Variants in CLEC16A observed in about 807,000 individuals in gnomAD.
CLEC16A encodes the protein protein CLEC16A.
A neutral mutation model predicts 109.5 loss-of-function variants in CLEC16A; 51 were observed. The ratio of observed to expected loss-of-function variants is 0.47; its 90% CI spans 0.37 to 0.59. CLEC16A has a LOEUF of 0.59. Among genes scored for constraint, CLEC16A ranks in the 20% least tolerant of loss-of-function variants. CLEC16A has a pLI of 0.00. For missense variants in CLEC16A, 1,339 were observed against 1,394.0 expected, an observed-to-expected ratio of 0.96 and a Z score of 0.63; for synonymous variants, 673 against 564.2, an observed-to-expected ratio of 1.19 and a Z score of -2.73.
intron 19 of CLEC16A, among the ~76,000 whole-genome samples, chr16:11,072,049 A>G (rs555734230): frequency 2.6e-4 from 39 of 152,202 alleles, no homozygotes; most frequent in South Asian, 1.7e-3. Context: ...TGCGGGTATA[A>G]TGAGAGAGCA....
intron 13 of CLEC16A, among the ~76,000 whole-genome samples, chr16:11,033,938 A>AT (rs1217164710): frequency 1.3e-4 from 20 of 152,190 alleles, no homozygotes; most frequent in African/African-American, 4.8e-4. Flanking sequence ...AGGTGGAGGG[A>AT]TGGGGGTGAG....
chr16:10,992,861 T>C lies in CLEC16A; in HGVS notation c.1071+9870T>C, dbSNP rs115407222. ...TATGGGAAGGAAATAGAAGCAACTT[T>C]GGGAGGTATGATGAGGGAAGCCCTC... On this transcript the variant is annotated intron_variant, in intron 10 of 23. Transcript: ENST00000409790. 1.5e-3 allele frequency among the ~76,000 whole-genome samples: 227 copies of C among 152,168 alleles called. 2 individuals carry two copies. The highest frequency in any genetic ancestry group is 5.1e-3 in the African/African-American group (213 of 41,526).
Position 11,020,216 on chromosome 16 carries a change from C to T in CLEC16A, c.1327C>T (p.Arg443Cys), listed in dbSNP as rs371915032. ...AGAGATCGAGATGGTGATCATGGAG[C>T]GTAGCAAGCTCTCAGAGCTGGCCGC... ...SEEIEMVIMERSKLSELAAST... is the reference protein window; with the variant it reads ...SEEIEMVIMECSKLSELAAST... Residue 443 changes from arginine to cysteine, a missense_variant, in exon 12 of 24, where the codon CGT (arginine) becomes TGT (cysteine). Transcript: ENST00000409790. 1.1e-5 allele frequency: 17 copies of T among 1,612,762 alleles called. No homozygotes were observed. The highest frequency in any genetic ancestry group is 5.0e-5 in the Admixed American group (3 of 59,870).
chr16:11,098,045 G>C (rs2050705663), intron 19 of CLEC16A, among the ~76,000 whole-genome samples: 1 of 152,230 alleles, frequency 6.6e-6, no homozygotes, highest in African/African-American at 2.4e-5. Context: ...CCGGTGCCCA[G>C]GTCACACCCC....
rs201913558 is a variant in CLEC16A, at chr16:11,126,169, G to A, written c.2641+23G>A. 214 of 1,613,478 alleles carry A rather than the reference G, an allele frequency of 1.3e-4. 4 individuals carry two copies. The South Asian group carries it at 1.3e-3, about 10-fold the overall frequency. On this transcript the variant is annotated intron_variant, in intron 22 of 23. Transcript: ENST00000409790. Reference sequence around the variant, plus strand: ...CAGGTGAGCCAGCCCCCCGCCCTGCGCCACAGCTCGTTCATCATGGTGGGC... The same window carrying A: ...CAGGTGAGCCAGCCCCCCGCCCTGCACCACAGCTCGTTCATCATGGTGGGC...
intron 13 of CLEC16A, among the ~76,000 whole-genome samples, chr16:11,031,933 C>T (rs2046762410): frequency 2.0e-5 from 3 of 152,204 alleles, no homozygotes; most frequent in Admixed American, 2.0e-4. Context: ...GCATGTGGAG[C>T]ACCGGCCGTG....
intron 20 of CLEC16A, 116 bp from the exon 21 acceptor site, chr16:11,123,626 T>C (rs184523179): frequency 1.1e-5 from 11 of 1,002,330 alleles, no homozygotes; most frequent in African/African-American, 6.3e-5. Flanking sequence ...CGATCTTAGA[T>C]CAAAAGCAGA....
At chr16:11,098,980 T>C (rs1046678590) in intron 19 of CLEC16A, among the ~76,000 whole-genome samples, 15 of 152,214 alleles carry the variant, frequency 9.9e-5, no homozygotes, top group African/African-American at 3.6e-4. Context: ...CCCATGCCCA[T>C]TGATCATACC....
intron 23 of CLEC16A, among the ~76,000 whole-genome samples, chr16:11,170,331 A>G (rs2068453727): frequency 6.6e-6 from 1 of 152,152 alleles, no homozygotes; most frequent in African/African-American, 2.4e-5. Flanking sequence ...GCTTTCCTAA[A>G]ATCAGCAGCA....
chr16:11,139,093 G>C (rs968557797), intron 22 of CLEC16A, among the ~76,000 whole-genome samples: 9 of 152,068 alleles, frequency 5.9e-5, no homozygotes, highest in African/African-American at 2.2e-4. Flanking sequence ...AGGGCATCTC[G>C]ATGATCCCAA....
Position 10,982,990 on chromosome 16 carries a change from C to G in CLEC16A, c.1070C>G (p.Ser357Cys), listed in dbSNP as rs1289426360. 1.9e-6 allele frequency: 3 copies of G among 1,557,762 alleles called. No individual in the cohort carries two copies. The highest frequency in any genetic ancestry group is 2.2e-5 in the East Asian group (1 of 44,610). The part of the protein sequence containing the change: ...AKTEQDIQRS[S>C]AKPSIRCFIK... ...ACTGAACAGGATATTCAGAGAAGTT[C>G]TGTAAGTCATTAGCTTCGGGACTGA... The change falls in exon 10 of 24, where the codon TCT becomes TGT. Residue 357 changes from serine (S) to cysteine (C), a missense_variant and splice_region_variant. By Grantham distance (112) the Ser-to-Cys change is moderately radical. Around this residue, in one of 3 missense-constraint regions of CLEC16A, gnomAD observed 1,061 missense variants for 1,006.8 expected, o/e 1.05. Coordinates refer to ENST00000409790, the MANE Select transcript of CLEC16A (RefSeq NM_015226.3).
chr16:11,173,250 C>T (rs893431495), intron 23 of CLEC16A, among the ~76,000 whole-genome samples: 2 of 152,122 alleles, frequency 1.3e-5, no homozygotes, highest in Non-Finnish European at 2.9e-5. Flanking sequence ...TGGTAACATA[C>T]GGGTAACATA....
intron 21 of CLEC16A, 108 bp downstream of exon 21, chr16:11,124,054 G>A (rs969600493): frequency 4.6e-5 from 45 of 983,866 alleles, no homozygotes; most frequent in African/African-American, 3.8e-4. Flanking sequence ...AAGAAGACAC[G>A]TATGATTCAG....
At chr16:11,096,091 T>C (rs1567311778) in intron 19 of CLEC16A, among the ~76,000 whole-genome samples, 1 of 152,028 alleles carries the variant, frequency 6.6e-6, no homozygotes, top group Non-Finnish European at 1.5e-5. Flanking sequence ...CCCAGTTACT[T>C]TGGGAGGCTG....
In CLEC16A at chr16:11,009,098, A is replaced by G. The variant is rs142481721; in HGVS notation, c.1303+5793A>G. The stretch of plus-strand genomic sequence containing the variant: ...ATCTTGTAAAACCAAAACTGTGCCC[A>G]TTTAATAACTCCCCACCCCACCCTT... On this transcript the variant is annotated intron_variant, in intron 11 of 23. Transcript: ENST00000409790. 8.2e-3 allele frequency among the ~76,000 whole-genome samples: 1,249 copies of G among 152,308 alleles called. 23 individuals carry two copies. Among genetic ancestry groups the G allele is most frequent in the African/African-American group, 0.029 (1,195 of 41,564 alleles).
chr16:10,986,397 CATT>C (rs987281159), intron 10 of CLEC16A, among the ~76,000 whole-genome samples: 17 of 152,120 alleles, frequency 1.1e-4, no homozygotes, highest in African/African-American at 3.9e-4. Flanking sequence ...GTATGGTTAA[CATT>C]ATTGTTGAGT....
rs112126155 is a variant in CLEC16A, at chr16:11,027,588, A to G, written c.1537+2667A>G. On this transcript the variant is annotated intron_variant, in intron 13 of 23. Coordinates refer to ENST00000409790, the MANE Select transcript of CLEC16A (RefSeq NM_015226.3). Reference sequence around the variant, plus strand: ...TGGCATCATTTGCTTGGAAGACCTCATTCATGAAATTGCATTCCCAGGGAA... The same window carrying G: ...TGGCATCATTTGCTTGGAAGACCTCGTTCATGAAATTGCATTCCCAGGGAA... 1.4e-4 allele frequency: 216 copies of G among 1,556,016 alleles called. No individual in the cohort carries two copies. The African/African-American group carries it at 2.2e-3, about 16-fold the overall frequency.
intron 10 of CLEC16A, among the ~76,000 whole-genome samples, chr16:10,987,607 A>G (rs1392553064): frequency 1.3e-5 from 2 of 152,076 alleles, no homozygotes; most frequent in East Asian, 3.9e-4. Context: ...TCCAGTTACT[A>G]CCTTTCTCTC....
chr16:11,096,275 G>A (rs752086574), intron 19 of CLEC16A, among the ~76,000 whole-genome samples: 1 of 152,080 alleles, frequency 6.6e-6, no homozygotes, highest in African/African-American at 2.4e-5. Flanking sequence ...AGTCCGGGAA[G>A]TCAAGCCTAT....
Sources: allele counts gnomAD v4.1 joint callset (sites outside exome capture counted in the v4.1 genomes callset), GRCh38; gene constraint gnomAD v4.1.1; regional missense constraint gnomAD v4.1.1; transcripts MANE v1.5; gene names NCBI Gene and HGNC (gene_info 2026-07-23, HGNC 2026-07-21).